TAFA2: variants seen among roughly 807,000 people sequenced by gnomAD.
TAFA2 encodes chemokine-like protein TAFA-2.
In TAFA2, 7 loss-of-function variants were observed where a neutral mutation model predicts 18.8. The ratio of observed to expected loss-of-function variants is 0.37; its 90% CI spans 0.21 to 0.70. TAFA2 has a LOEUF of 0.70. Ranked by LOEUF, TAFA2 falls within the 30% of genes least tolerant of loss-of-function variation. The probability of loss-of-function intolerance (pLI) is 0.53; values close to 1 mark genes in which losing one functional copy is unlikely to be tolerated. For synonymous variants in TAFA2, 60 were observed against 54.2 expected (o/e 1.11, Z -0.47); for missense variants, 122 against 158.1 (o/e 0.77, Z 1.23).
intron 1 of TAFA2, among the ~76,000 whole-genome samples, chr12:61,921,007 G>T (rs1202799985): frequency 3.9e-5 from 6 of 152,172 alleles, no homozygotes; most frequent in African/African-American, 1.4e-4. Flanking sequence ...AGTGCGATTG[G>T]TGGGTTCAGA....
At chr12:61,880,934 C>G (rs541086129) in intron 1 of TAFA2, among the ~76,000 whole-genome samples, 3 of 152,254 alleles carry the variant, frequency 2.0e-5, no homozygotes, top group Admixed American at 2.0e-4. Flanking sequence ...GGGGGACCCC[C>G]CTTCCCCATA....
chr12:61,851,177 A>G (rs564725046), intron 2 of TAFA2, among the ~76,000 whole-genome samples: 2 of 152,328 alleles, frequency 1.3e-5, no homozygotes, highest in East Asian at 3.9e-4. Flanking sequence ...ATTAGTTACA[A>G]TTGTGATGAG....
intron 1 of TAFA2, among the ~76,000 whole-genome samples, chr12:62,246,505 TATC>T (rs1182026000): frequency 6.6e-6 from 1 of 152,234 alleles, no homozygotes; most frequent in Non-Finnish European, 1.5e-5. Flanking sequence ...ATCAATATAT[TATC>T]ATTAGATCAA....
chr12:61,739,576 A>T (rs1275195153), intron 4 of TAFA2, among the ~76,000 whole-genome samples: 2 of 152,078 alleles, frequency 1.3e-5, no homozygotes, highest in African/African-American at 4.8e-5. Flanking sequence ...TTAGACCATT[A>T]CGTAGGTACA....
At chr12:61,713,181 C>T (rs1869492272) in intron 4 of TAFA2, among the ~76,000 whole-genome samples, 1 of 152,152 alleles carries the variant, frequency 6.6e-6, no homozygotes, top group South Asian at 2.1e-4. Context: ...ACTCTTACAC[C>T]AATCACCGAG....
intron 1 of TAFA2, among the ~76,000 whole-genome samples, chr12:61,988,998 T>C (rs1485394817): frequency 1.3e-5 from 2 of 152,216 alleles, no homozygotes; most frequent in Non-Finnish European, 2.9e-5. Flanking sequence ...TGAAAATATA[T>C]TTTCAGCTGT....
intron 1 of TAFA2, among the ~76,000 whole-genome samples, chr12:61,886,321 C>T (rs1875374541): frequency 6.6e-6 from 1 of 152,134 alleles, no homozygotes; most frequent in South Asian, 2.1e-4. Flanking sequence ...AGGCCTGACT[C>T]CTTTTCTTGG....
chr12:61,875,190 A>T (rs1311855243), intron 1 of TAFA2, among the ~76,000 whole-genome samples: 2 of 152,120 alleles, frequency 1.3e-5, no homozygotes, highest in Non-Finnish European at 2.9e-5. Flanking sequence ...TATGTCTTTC[A>T]TTCTCACGTG....
At chr12:62,256,905 G>A (rs139672670) in intron 1 of TAFA2, among the ~76,000 whole-genome samples, 128 of 152,176 alleles carry the variant, frequency 8.4e-4, no homozygotes, top group African/African-American at 3.0e-3. Context: ...AAAGAGAGAC[G>A]AGAATTATAC....
intron 1 of TAFA2, among the ~76,000 whole-genome samples, chr12:62,011,766 A>AAAT (rs1555183621): frequency 6.7e-6 from 1 of 148,454 alleles, no homozygotes; most frequent in Non-Finnish European, 1.5e-5. Flanking sequence ...AAAAAAAAAA[A>AAAT]AAAGAAAAGA....
chr12:61,855,941 T>C (rs1226210636), intron 2 of TAFA2, among the ~76,000 whole-genome samples: 1 of 151,910 alleles, frequency 6.6e-6, no homozygotes, highest in Non-Finnish European at 1.5e-5. Context: ...AAAAGTAAGA[T>C]TTTATTAGAA....
At chr12:62,170,453 C>A (rs1169836995) in intron 1 of TAFA2, among the ~76,000 whole-genome samples, 2 of 152,150 alleles carry the variant, frequency 1.3e-5, no homozygotes, top group African/African-American at 2.4e-5. Flanking sequence ...ACTTGTACAT[C>A]AAGTCAGTCA....
chr12:61,922,105 T>C (rs1877077540), intron 1 of TAFA2, among the ~76,000 whole-genome samples: 1 of 137,984 alleles, frequency 7.2e-6, no homozygotes, highest in South Asian at 2.1e-4. Flanking sequence ...CGATTTTGTG[T>C]AGAAGAGGAG....
At chr12:62,241,946 G>T (rs1431992451) in intron 1 of TAFA2, among the ~76,000 whole-genome samples, 1 of 152,174 alleles carries the variant, frequency 6.6e-6, no homozygotes, top group Non-Finnish European at 1.5e-5. Flanking sequence ...CAATTTGAAG[G>T]TCACCAGGCA....
At chr12:62,237,747 G>T (rs1006101400) in intron 1 of TAFA2, among the ~76,000 whole-genome samples, 1 of 150,432 alleles carries the variant, frequency 6.6e-6, no homozygotes, top group Non-Finnish European at 1.5e-5. Context: ...TTCCTTTTTG[G>T]CATTAGATGG....
At position 61,719,716 on chromosome 12, in the gene TAFA2, G is replaced by A. The variant is rs543895506; in HGVS notation, c.385-9299C>T. On this transcript the variant is annotated intron_variant, in intron 4 of 4. Coordinates refer to ENST00000416284, the MANE Select transcript of TAFA2 (RefSeq NM_178539.5). ...TATGAATTGATTTTGTTTGTGCAGCGGGCAAGAAGAACCCTTAGGGCGGTT... is the reference window on the plus strand; with the variant it reads ...TATGAATTGATTTTGTTTGTGCAGCAGGCAAGAAGAACCCTTAGGGCGGTT... Among the ~76,000 whole-genome samples, 4 of 152,160 alleles carry A rather than the reference G, an allele frequency of 2.6e-5. No individual in the cohort carries two copies. In the East Asian group the frequency reaches 5.8e-4, roughly 22 times the overall value.
At chr12:61,835,754 T>C (rs1259101548) in intron 2 of TAFA2, among the ~76,000 whole-genome samples, 1 of 151,986 alleles carries the variant, frequency 6.6e-6, no homozygotes, top group Non-Finnish European at 1.5e-5. Flanking sequence ...CCATGTAGAT[T>C]TCTAAAGTAA....
chr12:61,756,292 G>A (rs1033167671), intron 2 of TAFA2, among the ~76,000 whole-genome samples: 1 of 152,030 alleles, frequency 6.6e-6, no homozygotes, highest in Non-Finnish European at 1.5e-5. Flanking sequence ...TTCTGCCACT[G>A]TAGATATAAA....
chr12:61,850,760 A>C (rs1451731859), intron 2 of TAFA2, among the ~76,000 whole-genome samples: 1 of 152,146 alleles, frequency 6.6e-6, no homozygotes, highest in Non-Finnish European at 1.5e-5. Context: ...ATTTTAAAGT[A>C]TGCAATACCT....
Sources: allele counts gnomAD v4.1 joint callset (sites outside exome capture counted in the v4.1 genomes callset), GRCh38; gene constraint gnomAD v4.1.1; transcripts MANE v1.5; gene names NCBI Gene and HGNC (gene_info 2026-07-23, HGNC 2026-07-21).